Variants in CTNNA3 observed in about 807,000 individuals in gnomAD.
The protein encoded by CTNNA3 is catenin alpha 3.
CTNNA3 carries 76 observed loss-of-function variants against 95.7 expected under a neutral mutation model. The ratio of observed to expected loss-of-function variants is 0.79; its 90% confidence interval spans 0.66 to 0.96. CTNNA3 has a LOEUF of 0.96. CTNNA3 is among the 40% of genes least tolerant of loss of function. The probability of loss-of-function intolerance (pLI) is 0.00; values close to 1 mark genes in which losing one functional copy is unlikely to be tolerated. For missense variants in CTNNA3, 1,191 were observed against 1,089.8 expected (o/e 1.09, Z -1.31); for synonymous variants, 431 against 374.4 (o/e 1.15, Z -1.74).
chr10:66,127,142 G>A (rs1222448968), intron 13 of CTNNA3, among the ~76,000 whole-genome samples: 1 of 151,824 alleles, frequency 6.6e-6, no homozygotes, highest in Non-Finnish European at 1.5e-5. Flanking sequence ...CTTGGTGGCG[G>A]GCGCCTGTAG....
At chr10:66,175,843 A>G (rs1193652046) in intron 13 of CTNNA3, among the ~76,000 whole-genome samples, 2 of 152,210 alleles carry the variant, frequency 1.3e-5, no homozygotes, top group Non-Finnish European at 2.9e-5. Context: ...CAAAAGAATT[A>G]TCATGGGTTA....
intron 6 of CTNNA3, among the ~76,000 whole-genome samples, chr10:67,184,226 A>C (rs373863504): frequency 6.6e-6 from 1 of 152,164 alleles, no homozygotes; most frequent in African/African-American, 2.4e-5. Flanking sequence ...TGAGAATCCC[A>C]AACACTATTA....
rs568436869 is a variant in CTNNA3, at chr10:67,639,620, A to T, written c.99+7795T>A. ...CAAAAATCCTCAATAAAATACTGGC[A>T]AACCGAATCCAGCAACACATCAAAA... On this transcript the variant is annotated intron_variant, in intron 2 of 17. Transcript: ENST00000433211. 1.4e-4 allele frequency among the ~76,000 whole-genome samples: 21 copies of T among 151,588 alleles called. No homozygotes were observed. The South Asian group carries it at 4.4e-3, about 32-fold the overall frequency.
chr10:66,274,211 A>T (rs1424980171), intron 13 of CTNNA3, among the ~76,000 whole-genome samples: 3 of 148,572 alleles, frequency 2.0e-5, no homozygotes, highest in African/African-American at 7.6e-5. Context: ...ATATAAACCA[A>T]TGGCTGAGTC....
chr10:67,541,026 T>C (rs1840669484), intron 3 of CTNNA3, among the ~76,000 whole-genome samples: 1 of 152,080 alleles, frequency 6.6e-6, no homozygotes, highest in African/African-American at 2.4e-5. Flanking sequence ...TTATATTTCA[T>C]TGATACACTG....
chr10:66,289,466 T>C (rs1255779502), intron 12 of CTNNA3, among the ~76,000 whole-genome samples: 1 of 151,868 alleles, frequency 6.6e-6, no homozygotes, highest in Non-Finnish European at 1.5e-5. Flanking sequence ...CCCAAATTAA[T>C]ACGGCTTAAA....
intron 5 of CTNNA3, among the ~76,000 whole-genome samples, chr10:67,484,807 A>G (rs1241973893): frequency 2.0e-5 from 3 of 152,076 alleles, no homozygotes; most frequent in Admixed American, 6.6e-5. Flanking sequence ...TGAAAAAGTC[A>G]AAAAAACAAC....
intron 5 of CTNNA3, among the ~76,000 whole-genome samples, chr10:67,511,435 T>C (rs1839624563): frequency 6.6e-6 from 1 of 152,350 alleles, no homozygotes; most frequent in East Asian, 1.9e-4. Flanking sequence ...AGGCCTTTTC[T>C]GCATCTATTG....
At chr10:66,081,324 C>T (rs1366091349) in intron 14 of CTNNA3, among the ~76,000 whole-genome samples, 2 of 151,982 alleles carry the variant, frequency 1.3e-5, no homozygotes, top group East Asian at 3.9e-4. Context: ...TAAAAAGAAA[C>T]AGGATGTCCA....
intron 4 of CTNNA3, among the ~76,000 whole-genome samples, chr10:67,537,014 A>T (rs1337713560): frequency 6.6e-6 from 1 of 152,162 alleles, no homozygotes. Context: ...GATTTACCAC[A>T]AAAGATGTTC....
chr10:66,277,735 C>A (rs2132150503), intron 13 of CTNNA3, among the ~76,000 whole-genome samples: 1 of 152,066 alleles, frequency 6.6e-6, no homozygotes, highest in Non-Finnish European at 1.5e-5. Context: ...AGACGATGAC[C>A]CTCTGGGTAT....
At chr10:67,270,496 C>A (rs1036684264) in intron 5 of CTNNA3, among the ~76,000 whole-genome samples, 3 of 152,144 alleles carry the variant, frequency 2.0e-5, no homozygotes, top group African/African-American at 7.2e-5. Flanking sequence ...TAAGTTAATA[C>A]ACTAATTGCA....
At chr10:66,895,949 T>G (rs1845469739) in intron 7 of CTNNA3, among the ~76,000 whole-genome samples, 1 of 148,902 alleles carries the variant, frequency 6.7e-6, no homozygotes, top group Non-Finnish European at 1.5e-5. Flanking sequence ...CACACAGAAT[T>G]AGCTGGGCAT....
chr10:66,217,566 T>A (rs1469898510), intron 13 of CTNNA3, among the ~76,000 whole-genome samples: 2 of 152,202 alleles, frequency 1.3e-5, no homozygotes, highest in Non-Finnish European at 2.9e-5. Flanking sequence ...GTTTTCACTA[T>A]TACAAATACA....
chr10:66,856,090 T>A (rs1174193726), intron 7 of CTNNA3, among the ~76,000 whole-genome samples: 3 of 151,818 alleles, frequency 2.0e-5, no homozygotes, highest in Non-Finnish European at 1.5e-5. Flanking sequence ...CACCCTAGAG[T>A]ACACCCTGGT....
Position 66,096,457 on chromosome 10 carries a change from T to A in CTNNA3, c.1977+6700A>T, listed in dbSNP as rs548513057. The stretch of plus-strand genomic sequence containing the variant: ...TGAGATGTATTTTTTTCTCTTTTTT[T>A]AAAAAATCATTATACATCTAGAAAA... On this transcript the variant is annotated intron_variant, in intron 14 of 17. Coordinates refer to ENST00000433211, the MANE Select transcript of CTNNA3 (RefSeq NM_013266.4). Among the ~76,000 whole-genome samples the A allele has an allele frequency of 6.6e-5, 10 of 152,162 alleles. No individual in the cohort carries two copies. The East Asian group carries it at 1.2e-3, about 18-fold the overall frequency.
At chr10:67,147,343 A>C (rs537937784) in intron 7 of CTNNA3, among the ~76,000 whole-genome samples, 1 of 152,346 alleles carries the variant, frequency 6.6e-6, no homozygotes, top group East Asian at 1.9e-4. Context: ...GCCTGGGATA[A>C]TAATAACACC....
intron 7 of CTNNA3, among the ~76,000 whole-genome samples, chr10:66,963,147 C>G (rs573828438): frequency 6.6e-6 from 1 of 152,156 alleles, no homozygotes; most frequent in Non-Finnish European, 1.5e-5. Flanking sequence ...AAAGCTAGTA[C>G]TTACAGTATT....
chr10:67,296,244 A>T (rs1235054501), intron 5 of CTNNA3, among the ~76,000 whole-genome samples: 2 of 152,170 alleles, frequency 1.3e-5, no homozygotes. Flanking sequence ...AAACACCACA[A>T]TGCAGTACAG....
Sources: gnomAD v4.1 joint callset for allele counts (sites outside exome capture counted in the v4.1 genomes callset) on GRCh38, gnomAD v4.1.1 for gene constraint, MANE v1.5 for transcripts, NCBI Gene and HGNC (gene_info 2026-07-23, HGNC 2026-07-21) for gene names.